The following ITSN2 variants were observed in gnomAD, a reference collection of about 807,000 sequenced individuals.
The protein encoded by ITSN2 is intersectin-2.
ITSN2 carries 156 observed loss-of-function variants against 243.7 expected under a neutral mutation model. The observed-to-expected ratio is 0.64, with a 90% CI of 0.56 to 0.73. ITSN2 has a LOEUF of 0.73. ITSN2 is among the 30% of genes least tolerant of loss of function. The probability of loss-of-function intolerance (pLI) is 0.00; values close to 1 mark genes in which losing one functional copy is unlikely to be tolerated. For missense variants in ITSN2, 1,801 were observed against 1,996.1 expected (o/e 0.90, Z 1.86); for synonymous variants, 703 against 699.9 (o/e 1.00, Z -0.07).
chr2:24,240,936 T>C (rs1308290135), intron 29 of ITSN2: 10 of 152,190 alleles, frequency 6.6e-5, no homozygotes, highest in Non-Finnish European at 1.5e-4. Context: ...TTTAAAGTGT[T>C]TTCCATTCCA....
chr2:24,227,787 C>T (rs1181152034), intron 29 of ITSN2, among the ~76,000 whole-genome samples: 5 of 151,906 alleles, frequency 3.3e-5, no homozygotes, highest in East Asian at 1.9e-4. Flanking sequence ...GGCATGGTGG[C>T]GGGTGCCTGT....
intron 25 of ITSN2, among the ~76,000 whole-genome samples, chr2:24,250,869 A>AT (rs964764537): frequency 1.1e-4 from 17 of 152,192 alleles, no homozygotes; most frequent in Admixed American, 8.5e-4. Context: ...AGAAACAGAC[A>AT]TGAGAAAGTA....
intron 30 of ITSN2, among the ~76,000 whole-genome samples, chr2:24,218,379 G>C (rs1198614242): frequency 6.6e-6 from 1 of 152,224 alleles, no homozygotes; most frequent in Non-Finnish European, 1.5e-5. Flanking sequence ...GTTAGGTGGA[G>C]CATCGTAGAG....
chr2:24,329,806 T>C (rs1574334107), intron 1 of ITSN2, among the ~76,000 whole-genome samples: 1 of 152,194 alleles, frequency 6.6e-6, no homozygotes, highest in South Asian at 2.1e-4. Context: ...AGTACATACA[T>C]CGTGGTCAAC....
In ITSN2 at chr2:24,298,221, G is replaced by C. The variant is rs187393861; in HGVS notation, c.1494+444C>G. ...TGCCCAGGCTCGAGTGCAGTGGCGC[G>C]ATCTCAGCTCACTGCAACCTCCGCC... On this transcript the variant is annotated intron_variant, in intron 13 of 39. Coordinates refer to ENST00000355123, the MANE Select transcript of ITSN2 (RefSeq NM_006277.3). Among the ~76,000 whole-genome samples the C allele has an allele frequency of 7.9e-5, 12 of 152,116 alleles. No individual in the cohort carries two copies. In the East Asian group the frequency reaches 2.3e-3, roughly 29 times the overall value.
chr2:24,246,171 T>C lies in ITSN2; in HGVS notation c.3535A>G (p.Asn1179Asp). The change falls in exon 29 of 40, where the codon AAC (asparagine) becomes GAC (aspartate). Residue 1179 changes from asparagine (N) to aspartate (D), a missense_variant. Transcript: ENST00000355123. ...INGVTGLFPS[N>D]YVKMTTDSDP... ...GAGTCTGTCGTCATCTTAACGTAGT[T>C]TGAAGGAAAGAGACCAGTCACCCCG... is the stretch of plus-strand genomic sequence containing the variant. The C allele has an allele frequency of 6.2e-7, 1 of 1,613,486 alleles. No homozygotes were observed. The highest frequency in any genetic ancestry group is 1.3e-5 in the African/African-American group (1 of 75,004).
Position 24,211,229 on chromosome 2 carries a change from G to A in ITSN2, c.4090-282C>T, listed in dbSNP as rs1357739717. 5.3e-5 allele frequency among the ~76,000 whole-genome samples: 8 copies of A among 152,162 alleles called. No homozygotes were observed. The highest frequency in any genetic ancestry group is 5.2e-4 in the Admixed American group (8 of 15,278). The stretch of plus-strand genomic sequence containing the variant: ...CTGGTTGCTCTCCGACTGGCTCCCG[G>A]TAATAGGCGGGAGCCTCCCGACTCC... On this transcript the variant is annotated intron_variant, in intron 33 of 39. Transcript: ENST00000355123. The surrounding 1 kb of genome is among the most constrained non-coding windows in gnomAD (Gnocchi z 4.1).
At chr2:24,343,170 T>C in intron 1 of ITSN2, among the ~76,000 whole-genome samples, 2 of 151,648 alleles carry the variant, frequency 1.3e-5, no homozygotes, top group East Asian at 1.9e-4. Context: ...ACAATGTTAA[T>C]GCCTAGCTGA....
At chr2:24,265,531 T>C (rs1676561894) in intron 20 of ITSN2, among the ~76,000 whole-genome samples, 1 of 152,220 alleles carries the variant, frequency 6.6e-6, no homozygotes, top group African/African-American at 2.4e-5. Flanking sequence ...TCATGTCTTC[T>C]GCAAATCAAT....
chr2:24,227,960 C>A (rs1671208993), intron 29 of ITSN2, among the ~76,000 whole-genome samples: 1 of 152,080 alleles, frequency 6.6e-6, no homozygotes, highest in Non-Finnish European at 1.5e-5. Flanking sequence ...CAAGGCCCAA[C>A]ATACATCTGA....
intron 1 of ITSN2, among the ~76,000 whole-genome samples, chr2:24,358,624 A>G (rs1429064224): frequency 6.6e-6 from 1 of 152,234 alleles, no homozygotes; most frequent in East Asian, 1.9e-4. Context: ...ACTTTTTAAA[A>G]AAGATATACT....
Position 24,298,732 on chromosome 2 carries a change from C to T in ITSN2, c.1427G>A (p.Arg476Lys), listed in dbSNP as rs763568544. Residue 476 changes from arginine (R) to lysine (K), a missense_variant, in exon 13 of 40, where the codon AGA becomes AAA. This residue lies in a region of ITSN2 where 787 missense variants were observed against 803.9 expected (regional missense o/e 0.98). Transcript: ENST00000355123. ...TAACCTGACAATTTCTTCTTGTTCT[C>T]TATTCTTTTGATTGAGAAGCTCCTG... ...RRQELLNQKN[R>K]EQEEIVRLNS... is the part of the protein sequence containing the mutation. The T allele has an allele frequency of 3.4e-5, 55 of 1,612,396 alleles. No individual in the cohort carries two copies. The Admixed American group carries it at 9.2e-4, about 27-fold the overall frequency.
At chr2:24,316,883 C>G (rs1479952145) in intron 2 of ITSN2, among the ~76,000 whole-genome samples, 1 of 152,176 alleles carries the variant, frequency 6.6e-6, no homozygotes, top group Non-Finnish European at 1.5e-5. Flanking sequence ...AAGGAAGTAG[C>G]CTTCACCTAG....
In ITSN2 at chr2:24,225,205, C is replaced by G. The variant is rs946554846; in HGVS notation, c.3578-4139G>C. 2.6e-5 allele frequency among the ~76,000 whole-genome samples: 4 copies of G among 152,124 alleles called. No homozygotes were observed. The highest frequency in any genetic ancestry group is 9.7e-5 in the African/African-American group (4 of 41,424). On this transcript the variant is annotated intron_variant, in intron 29 of 39. Coordinates refer to ENST00000355123, the MANE Select transcript of ITSN2 (RefSeq NM_006277.3). This position sits in a 1 kb window ranked among gnomAD's most constrained non-coding sequence, Gnocchi z 4.2. ...ACTCTTCGCCATTTCCTTCTTAGCC[C>G]ATAAACATTGCTAAGTGTCCCTCCT... is the stretch of plus-strand genomic sequence containing the variant.
chr2:24,334,514 G>A (rs1471910835), intron 1 of ITSN2: 3 of 752,334 alleles, frequency 4.0e-6, no homozygotes, highest in South Asian at 1.3e-5. Flanking sequence ...ATGCAAACAT[G>A]GTGAACATTC....
At chr2:24,255,514 G>C (rs1027179933) in intron 23 of ITSN2, among the ~76,000 whole-genome samples, 10 of 152,052 alleles carry the variant, frequency 6.6e-5, no homozygotes, top group African/African-American at 2.4e-4. Flanking sequence ...TGTAATCCCA[G>C]TTACTTGGGA....
Position 24,205,254 on chromosome 2 carries a change from A to G in ITSN2, c.4722T>C (p.His1574=), listed in dbSNP as rs373109436. Residue 1574 remains histidine, a synonymous_variant, in exon 38 of 40, where the codon CAT becomes CAC. Transcript: ENST00000355123. ...CTTTTAATTCTGTAGCTTCAATGAC[A>G]TGCACCATCAGGCGCCCAATGCCTG... ...KTSGIGRLMV[H]VIEATELKAC... is the part of the protein sequence containing the mutation. The G allele has an allele frequency of 1.2e-6, 2 of 1,613,982 alleles. No homozygotes were observed. Among genetic ancestry groups the G allele is most frequent in the African/African-American group, 2.7e-5 (2 of 74,936 alleles).
chr2:24,208,241 G>GTAAGC lies in ITSN2; in HGVS notation c.4669_4673dup (p.Tyr1558Ter). On this transcript the variant is annotated stop_gained and frameshift_variant, in exon 37 of 40. Coordinates refer to ENST00000355123, the MANE Select transcript of ITSN2 (RefSeq NM_006277.3). LOFTEE classifies it high-confidence loss of function. Reference sequence around the variant, plus strand: ...ACCCTCCGGGCACCCTGATACCTTGGTAAGCTTTCTCACGCTTCTTCTTCT... The same window carrying GTAAGC: ...ACCCTCCGGGCACCCTGATACCTTGGTAAGCTAAGCTTTCTCACGCTTCTTCTTCT... 1 of 1,612,188 alleles carries GTAAGC rather than the reference G, an allele frequency of 6.2e-7. No homozygotes were observed. Among genetic ancestry groups the GTAAGC allele is most frequent in the Non-Finnish European group, 8.5e-7 (1 of 1,179,716 alleles).
chr2:24,241,059 G>A (rs1369161929), intron 29 of ITSN2: 2 of 152,136 alleles, frequency 1.3e-5, no homozygotes, highest in African/African-American at 2.4e-5. Context: ...CATGAACACA[G>A]AGGAATGCCA....
Sources: gnomAD v4.1 joint callset for allele counts (sites outside exome capture counted in the v4.1 genomes callset) on GRCh38, gnomAD v4.1.1 for gene constraint, gnomAD v4.1.1 regional missense constraint, Gnocchi (gnomAD v3.1) non-coding constraint, MANE v1.5 for transcripts, NCBI Gene and HGNC (gene_info 2026-07-23, HGNC 2026-07-21) for gene names.